Variants in ENTREP2 observed in about 807,000 individuals in gnomAD.
ENTREP2 encodes endosomal transmembrane epsin interactor 2.
the ENTREP2 span, among the ~76,000 whole-genome samples, chr15:29,198,245 C>T: frequency 3.9e-5 from 6 of 152,324 alleles, no homozygotes; most frequent in South Asian, 1.2e-3. Flanking sequence ...TCTGCACCCT[C>T]TCCCTGGAAC....
chr15:29,428,265 G>A, the ENTREP2 span, among the ~76,000 whole-genome samples: 2 of 152,206 alleles, frequency 1.3e-5, no homozygotes, highest in Non-Finnish European at 2.9e-5. Flanking sequence ...CCAGGCTGCA[G>A]TGAAGTGGTT....
At chr15:29,659,485 T>A in the ENTREP2 span, among the ~76,000 whole-genome samples, 69 of 151,494 alleles carry the variant, frequency 4.6e-4, no homozygotes, top group East Asian at 3.5e-3. Context: ...AAATAAAAAA[T>A]AATAATAATA....
At chr15:29,666,737 G>A in the ENTREP2 span, among the ~76,000 whole-genome samples, 1 of 152,108 alleles carries the variant, frequency 6.6e-6, no homozygotes, top group South Asian at 2.1e-4. Flanking sequence ...ATCAGTTCCT[G>A]GAGTGGCCTT....
the ENTREP2 span, chr15:29,570,621 G>A: frequency 2.1e-6 from 3 of 1,433,288 alleles, no homozygotes; most frequent in Non-Finnish European, 2.7e-6. Flanking sequence ...GTGGCCCCGA[G>A]CGCCAGCACG....
chr15:29,227,618 A>C, the ENTREP2 span, among the ~76,000 whole-genome samples: 1 of 152,084 alleles, frequency 6.6e-6, no homozygotes, highest in Non-Finnish European at 1.5e-5. Flanking sequence ...CATGAGGCTA[A>C]ATCTGCTTCC....
the ENTREP2 span, among the ~76,000 whole-genome samples, chr15:29,208,993 A>G: frequency 2.6e-5 from 4 of 152,292 alleles, no homozygotes; most frequent in East Asian, 7.7e-4. Context: ...TGACATTAGA[A>G]GTTAGGATAG....
chr15:29,128,720 G>A, the ENTREP2 span: 5,813 of 1,132,386 alleles, frequency 5.1e-3, 184 homozygotes, highest in African/African-American at 0.074. Context: ...AGAATAGGAC[G>A]AGGACGAAAA....
At chr15:29,336,361 G>A in the ENTREP2 span, among the ~76,000 whole-genome samples, 13 of 151,804 alleles carry the variant, frequency 8.6e-5, no homozygotes, top group African/African-American at 2.2e-4. Flanking sequence ...ACCCAGGCTG[G>A]AGTGCAGTGG....
chr15:29,246,210 GGT>G, the ENTREP2 span, among the ~76,000 whole-genome samples: 1 of 144,030 alleles, frequency 6.9e-6, no homozygotes, highest in Non-Finnish European at 1.5e-5. Context: ...TGGCCAACAC[GGT>G]GAAACTCTCT....
chr15:29,252,520 AGGCTC>A, the ENTREP2 span: 1 of 1,191,076 alleles, frequency 8.4e-7, no homozygotes, highest in South Asian at 1.4e-5. Flanking sequence ...TCACTTGGAG[AGGCTC>A]AAAGGAAAAA....
chr15:29,274,317 GATT>G, the ENTREP2 span, among the ~76,000 whole-genome samples: 1 of 152,230 alleles, frequency 6.6e-6, no homozygotes, highest in Non-Finnish European at 1.5e-5. Context: ...CACAGGAGAA[GATT>G]ATTAAGTTTT....
chr15:29,455,388 T>C, the ENTREP2 span, among the ~76,000 whole-genome samples: 2 of 152,206 alleles, frequency 1.3e-5, no homozygotes, highest in Non-Finnish European at 2.9e-5. Context: ...TAGAAGCCAC[T>C]ATGTTCTGGA....
chr15:29,561,889 A>G, the ENTREP2 span, among the ~76,000 whole-genome samples: 1 of 152,146 alleles, frequency 6.6e-6, no homozygotes, highest in Non-Finnish European at 1.5e-5. Context: ...AATTATAATT[A>G]AAGGGGAAAT....
At chr15:29,507,636 C>G in the ENTREP2 span, among the ~76,000 whole-genome samples, 2 of 152,148 alleles carry the variant, frequency 1.3e-5, no homozygotes, top group Non-Finnish European at 2.9e-5. Flanking sequence ...AACTGAACAA[C>G]CTGCTACTGA....
At chr15:29,384,140 A>G in the ENTREP2 span, among the ~76,000 whole-genome samples, 3 of 152,176 alleles carry the variant, frequency 2.0e-5, no homozygotes, top group African/African-American at 7.2e-5. Flanking sequence ...TTTCACAGTC[A>G]GAGGACACCG....
the ENTREP2 span, among the ~76,000 whole-genome samples, chr15:29,223,562 C>T: frequency 6.6e-6 from 1 of 152,202 alleles, no homozygotes; most frequent in African/African-American, 2.4e-5. Context: ...AGTTTAGCCA[C>T]TAATACCCCC....
chr15:29,246,392 CAAAAAA>C, the ENTREP2 span, among the ~76,000 whole-genome samples: 1 of 90,702 alleles, frequency 1.1e-5, no homozygotes, highest in Non-Finnish European at 2.2e-5. Flanking sequence ...ACCCTGTTTC[CAAAAAA>C]AAAAAAAAAA....
At chr15:29,652,066 C>T in the ENTREP2 span, among the ~76,000 whole-genome samples, 2 of 152,178 alleles carry the variant, frequency 1.3e-5, no homozygotes, top group Non-Finnish European at 2.9e-5. Context: ...ACTTCCCCAC[C>T]CTGAGGCCCA....
chr15:29,392,117 T>C, the ENTREP2 span, among the ~76,000 whole-genome samples: 3 of 152,056 alleles, frequency 2.0e-5, no homozygotes, highest in East Asian at 5.8e-4. Context: ...CGTGAGCCAC[T>C]GTGCCCGGCC....
Sources: gnomAD v4.1 joint callset for allele counts (sites outside exome capture counted in the v4.1 genomes callset) on GRCh38, gnomAD v4.1.1 for gene constraint, MANE v1.5 for transcripts, NCBI Gene and HGNC (gene_info 2026-07-23, HGNC 2026-07-21) for gene names.